Variants in CACNA1D observed in about 807,000 individuals in gnomAD.
CACNA1D encodes the protein voltage-dependent L-type calcium channel subunit alpha-1D.
A neutral mutation model predicts 257.1 loss-of-function variants in CACNA1D; 55 were observed. The ratio of observed to expected loss-of-function variants is 0.21; its 90% CI spans 0.17 to 0.27. CACNA1D has a LOEUF of 0.27. CACNA1D is among the 10% of genes least tolerant of loss of function. The pLI is 1.00. For synonymous variants in CACNA1D, 980 were observed against 1,014.9 expected, an observed-to-expected ratio of 0.97 and a Z score of 0.65; for missense variants, 1,876 against 2,784.0, an observed-to-expected ratio of 0.67 and a Z score of 7.34.
intron 27 of CACNA1D, 121 bp downstream of exon 27, chr3:53,749,590 G>A: frequency 1.3e-6 from 1 of 750,860 alleles, no homozygotes. Context: ...CCTGGGGCTA[G>A]GGCCCTGTTC....
At chr3:53,752,975 G>A (rs145426858) in intron 28 of CACNA1D, among the ~76,000 whole-genome samples, 35 of 152,334 alleles carry the variant, frequency 2.3e-4, no homozygotes, top group Admixed American at 2.3e-3. Flanking sequence ...ACGAGGACAG[G>A]AAGCAAAGAC....
chr3:53,576,347 C>A lies in CACNA1D; in HGVS notation c.484-74432C>A, dbSNP rs531430041. Among the ~76,000 whole-genome samples the A allele has an allele frequency of 3.9e-5, 6 of 152,242 alleles. 1 individual carries two copies. The highest frequency in any genetic ancestry group is 1.4e-4 in the African/African-American group (6 of 41,538). On this transcript the variant is annotated intron_variant, in intron 3 of 47. Coordinates refer to ENST00000350061, the MANE Select transcript of CACNA1D (RefSeq NM_001128840.3). ...TGAAAGTTTTCTGGTGAGTGTTATC[C>A]TCCGAAATTTTAAGTGGATTTAAAT...
At chr3:53,564,970 A>C (rs954503902) in intron 3 of CACNA1D, among the ~76,000 whole-genome samples, 8 of 152,178 alleles carry the variant, frequency 5.3e-5, no homozygotes, top group African/African-American at 1.7e-4. Flanking sequence ...GTAGGTCTTC[A>C]GTTGCTCTCT....
Position 53,518,040 on chromosome 3 carries a change from A to ATTTGG in CACNA1D, c.483+16322_483+16326dup, listed in dbSNP as rs563308755. On this transcript the variant is annotated intron_variant, in intron 3 of 47. Coordinates refer to ENST00000350061, the MANE Select transcript of CACNA1D (RefSeq NM_001128840.3). ...GTCTGATGAATAACTGAAGTAATGG[A>ATTTGG]TTTGGTCACACCACTAGCTGGGTAG... is the stretch of plus-strand genomic sequence containing the variant. Among the ~76,000 whole-genome samples the ATTTGG allele has an allele frequency of 1.1e-4, 17 of 152,264 alleles. No individual in the cohort carries two copies. In the South Asian group the frequency reaches 3.5e-3, roughly 32 times the overall value.
intron 3 of CACNA1D, among the ~76,000 whole-genome samples, chr3:53,575,904 T>G (rs2093029799): frequency 1.3e-5 from 2 of 152,216 alleles, no homozygotes; most frequent in African/African-American, 4.8e-5. Flanking sequence ...TTGTTAGAAA[T>G]GGGAAGAATA....
intron 3 of CACNA1D, among the ~76,000 whole-genome samples, chr3:53,600,359 T>C (rs1403816337): frequency 6.6e-6 from 1 of 152,216 alleles, no homozygotes; most frequent in Non-Finnish European, 1.5e-5. Flanking sequence ...AGTTGCTTTC[T>C]GGTAAAACCT....
intron 14 of CACNA1D, among the ~76,000 whole-genome samples, chr3:53,726,051 T>C (rs1430221809): frequency 1.3e-5 from 2 of 152,242 alleles, no homozygotes; most frequent in Admixed American, 6.5e-5. Context: ...TAATTATCCA[T>C]TTCCACAGTT....
intron 3 of CACNA1D, among the ~76,000 whole-genome samples, chr3:53,533,592 G>A (rs956125561): frequency 1.8e-4 from 28 of 152,338 alleles, no homozygotes; most frequent in African/African-American, 5.5e-4. Flanking sequence ...GCAGACCTGG[G>A]ATTCCCAGAG....
intron 21 of CACNA1D, 87 bp from the exon 22 acceptor site, chr3:53,742,924 A>G: frequency 1.2e-6 from 1 of 842,896 alleles, no homozygotes; most frequent in Admixed American, 1.7e-5. Context: ...TAATGAAGTT[A>G]TACTTTCCTC....
Position 53,618,745 on chromosome 3 carries a change from G to C in CACNA1D, c.484-32034G>C, listed in dbSNP as rs9829230. Among the ~76,000 whole-genome samples the C allele has an allele frequency of 3.8e-3, 584 of 152,330 alleles. 6 individuals carry two copies. Among genetic ancestry groups the C allele is most frequent in the African/African-American group, 0.013 (556 of 41,568 alleles). On this transcript the variant is annotated intron_variant, in intron 3 of 47. Coordinates refer to ENST00000350061, the MANE Select transcript of CACNA1D (RefSeq NM_001128840.3). ...ACTGTTTTCCTCCAAGAGTGCACTA[G>C]AGTGTACTTGCTTCTGTCTGGCGCT...
chr3:53,532,755 AC>A (rs2091989467), intron 3 of CACNA1D, among the ~76,000 whole-genome samples: 1 of 152,138 alleles, frequency 6.6e-6, no homozygotes. Flanking sequence ...TGAGGTAGAC[AC>A]TTTTTTAGCT....
At chr3:53,563,055 G>GT (rs1431525777) in intron 3 of CACNA1D, among the ~76,000 whole-genome samples, 5 of 152,016 alleles carry the variant, frequency 3.3e-5, no homozygotes, top group East Asian at 3.9e-4. Flanking sequence ...GTTTTGTTTT[G>GT]TTTTTTTAGT....
intron 20 of CACNA1D, among the ~76,000 whole-genome samples, chr3:53,736,853 A>G (rs2095061838): frequency 6.6e-6 from 1 of 150,918 alleles, no homozygotes; most frequent in African/African-American, 2.4e-5. Flanking sequence ...ACACCACTGT[A>G]TTCCAGCCTG....
chr3:53,641,885 ATGT>A (rs1007038543), intron 3 of CACNA1D, among the ~76,000 whole-genome samples: 1 of 152,130 alleles, frequency 6.6e-6, no homozygotes, highest in Non-Finnish European at 1.5e-5. Flanking sequence ...GTCATCAAAG[ATGT>A]TGTCTCTTGA....
intron 4 of CACNA1D, 91 bp from the exon 5 acceptor site, chr3:53,660,042 A>T: frequency 8.8e-7 from 1 of 1,132,662 alleles, no homozygotes; most frequent in Non-Finnish European, 1.3e-6. Flanking sequence ...ACACAGAATT[A>T]GCCCTTTTCA....
chr3:53,555,211 A>G (rs914289408), intron 3 of CACNA1D, among the ~76,000 whole-genome samples: 4 of 152,226 alleles, frequency 2.6e-5, no homozygotes, highest in Admixed American at 2.6e-4. Flanking sequence ...ATTTAGTGTC[A>G]CGGGCTTGTG....
At position 53,767,507 on chromosome 3, in the gene CACNA1D, A is replaced by G. The variant is rs564620261; in HGVS notation, c.3871-2466A>G. 4.0e-5 allele frequency among the ~76,000 whole-genome samples: 6 copies of G among 150,064 alleles called. No individual in the cohort carries two copies. In the East Asian group the frequency reaches 6.0e-4, roughly 15 times the overall value. ...CTGATATCCTGTAGGCAGAGGTTGCAGTGAGCCAAGATCATGCCACTGCAC... is the reference window on the plus strand; with the variant it reads ...CTGATATCCTGTAGGCAGAGGTTGCGGTGAGCCAAGATCATGCCACTGCAC... On this transcript the variant is annotated intron_variant, in intron 30 of 47. Coordinates refer to ENST00000350061, the MANE Select transcript of CACNA1D (RefSeq NM_001128840.3).
chr3:53,796,725 G>T (rs2095509236), intron 40 of CACNA1D, among the ~76,000 whole-genome samples: 2 of 152,188 alleles, frequency 1.3e-5, no homozygotes, highest in African/African-American at 4.8e-5. Flanking sequence ...TTAAGCAGCA[G>T]TCTACAGGCA....
rs116332777 is a variant in CACNA1D, at chr3:53,513,979, C to T, written c.483+12259C>T. Among the ~76,000 whole-genome samples, 607 of 152,212 alleles carry T rather than the reference C, an allele frequency of 4.0e-3. 4 individuals are homozygous for T. The highest frequency in any genetic ancestry group is 0.014 in the African/African-American group (582 of 41,528). On this transcript the variant is annotated intron_variant, in intron 3 of 47. Transcript: ENST00000350061. ...CATCTAGGTCTGTGTAAGTACACTCCGTGTTCACACAGTGATGAAATTGCC... is the reference window on the plus strand; with the variant it reads ...CATCTAGGTCTGTGTAAGTACACTCTGTGTTCACACAGTGATGAAATTGCC...
Sources: allele counts gnomAD v4.1 joint callset (sites outside exome capture counted in the v4.1 genomes callset), GRCh38; gene constraint gnomAD v4.1.1; transcripts MANE v1.5; gene names NCBI Gene and HGNC (gene_info 2026-07-23, HGNC 2026-07-21).